INPP4A: variants seen among roughly 807,000 people sequenced by gnomAD.
The protein encoded by INPP4A is inositol polyphosphate-4-phosphatase, type I, 107kD.
In INPP4A, 33 loss-of-function variants were observed where a neutral mutation model predicts 119.8. The ratio of observed to expected loss-of-function variants is 0.28; its 90% CI spans 0.21 to 0.37. The LOEUF (loss-of-function observed/expected upper bound fraction) is 0.37. Ranked by LOEUF, INPP4A falls within the 10% of genes least tolerant of loss-of-function variation. The pLI, the probability that INPP4A is intolerant of heterozygous loss-of-function variation, is 1.00. For missense variants in INPP4A, 956 were observed against 1,289.9 expected (o/e 0.74, Z 3.97); for synonymous variants, 496 against 500.7 (o/e 0.99, Z 0.12).
chr2:98,551,919 CA>C (rs1693598375), intron 13 of INPP4A, among the ~76,000 whole-genome samples: 1 of 152,176 alleles, frequency 6.6e-6, no homozygotes, highest in Admixed American at 6.5e-5. Flanking sequence ...TGCAATTTAT[CA>C]TCACCGTTTA....
chr2:98,535,991 A>G, intron 6 of INPP4A, 138 bp from the exon 7 acceptor site: 2 of 716,842 alleles, frequency 2.8e-6, no homozygotes, highest in Non-Finnish European at 4.9e-6. Flanking sequence ...GCGAATTGTT[A>G]AGCTTTCCCA....
intron 1 of INPP4A, among the ~76,000 whole-genome samples, chr2:98,460,441 G>T (rs1268770635): frequency 6.6e-6 from 1 of 152,188 alleles, no homozygotes; most frequent in East Asian, 1.9e-4. Flanking sequence ...GCCCCTTCAG[G>T]CCTTTTGTAA....
chr2:98,593,869 G>A lies in INPP4A; in HGVS notation c.*6261G>A, dbSNP rs1272235537. The A allele has an allele frequency of 1.3e-5, 2 of 151,626 alleles. No individual in the cohort carries two copies. Among genetic ancestry groups the A allele is most frequent in the Non-Finnish European group, 3.0e-5 (2 of 67,700 alleles). The allele number at this position is 151,626 out of a possible 1,614,324, so 9.4% of individuals were successfully genotyped here. A position where few individuals can be genotyped will look rare whatever the true frequency, so the allele number is the denominator to read the frequency against. On this transcript the variant is annotated 3_prime_UTR_variant, in exon 25 of 25. Transcript: ENST00000409851. ...CACCCCTCCTGCAAGGCTAGTCTCA[G>A]GTCTGCCTTCCTCTATGGTGATTTC...
rs61748141 is a variant in INPP4A, at chr2:98,554,264, C to T, written c.1348-7C>T. 62,650 of 1,591,784 alleles carry T rather than the reference C, an allele frequency of 0.039. 1,460 individuals are homozygous for T. The highest frequency in any genetic ancestry group is 0.047 in the Non-Finnish European group (54,891 of 1,169,312). On this transcript the variant is annotated splice_polypyrimidine_tract_variant and splice_region_variant and intron_variant, in intron 14 of 24. Coordinates refer to ENST00000409851, the MANE Select transcript of INPP4A (RefSeq NM_001134225.2). The surrounding 1 kb of genome is among the most constrained non-coding windows in gnomAD (Gnocchi z 4.7). ...GCTCAGCAGCCTTGGTTTGTGTGCA[C>T]CTGCAGACACGGCAGCTGGTCACGG...
chr2:98,487,343 T>A (rs1167649474), intron 1 of INPP4A, among the ~76,000 whole-genome samples: 1 of 152,246 alleles, frequency 6.6e-6, no homozygotes, highest in Non-Finnish European at 1.5e-5. Context: ...CAGAATTTCC[T>A]TGTTTTTGAT....
Position 98,574,879 on chromosome 2 carries a change from G to A in INPP4A, c.2631+1952G>A, listed in dbSNP as rs146564070. Reference sequence around the variant, plus strand: ...CATCCCCTGTCACCAGAACAGAAAAGCAGTCCATCAAGTCCTGTATTTCTT... The same window carrying A: ...CATCCCCTGTCACCAGAACAGAAAAACAGTCCATCAAGTCCTGTATTTCTT... On this transcript the variant is annotated intron_variant, in intron 23 of 24. Coordinates refer to ENST00000409851, the MANE Select transcript of INPP4A (RefSeq NM_001134225.2). 6.4e-3 allele frequency among the ~76,000 whole-genome samples: 972 copies of A among 152,290 alleles called. 17 individuals are homozygous for A. Among genetic ancestry groups the A allele is most frequent in the African/African-American group, 0.022 (912 of 41,536 alleles).
rs140919431 is a variant in INPP4A, at chr2:98,590,666, C to T, written c.*3058C>T. 2.4e-3 allele frequency: 503 copies of T among 213,676 alleles called. 6 individuals are homozygous for T. The highest frequency in any genetic ancestry group is 0.011 in the African/African-American group (470 of 44,292). The allele number at this position is 213,676 out of a possible 1,614,324, so 13.2% of individuals were successfully genotyped here. On this transcript the variant is annotated 3_prime_UTR_variant, in exon 25 of 25. Coordinates refer to ENST00000409851, the MANE Select transcript of INPP4A (RefSeq NM_001134225.2). Reference sequence around the variant, plus strand: ...TTGTATTAATATTGACCCTGTTCATCGTCACCAGGACTGCATCTTGCACCA... The same window carrying T: ...TTGTATTAATATTGACCCTGTTCATTGTCACCAGGACTGCATCTTGCACCA...
chr2:98,528,277 C>T (rs564911005), intron 4 of INPP4A, among the ~76,000 whole-genome samples: 9 of 152,236 alleles, frequency 5.9e-5, no homozygotes, highest in African/African-American at 2.2e-4. Flanking sequence ...TTAAGAGAGG[C>T]TCAACTGTAG....
chr2:98,540,932 A>ATT (rs1277372312), intron 10 of INPP4A, among the ~76,000 whole-genome samples: 4 of 152,374 alleles, frequency 2.6e-5, no homozygotes, highest in African/African-American at 9.6e-5. Context: ...TAAACACAAT[A>ATT]TAACAGAAGC....
chr2:98,529,156 A>G (rs1454103302), intron 4 of INPP4A, among the ~76,000 whole-genome samples: 1 of 152,202 alleles, frequency 6.6e-6, no homozygotes, highest in Non-Finnish European at 1.5e-5. Flanking sequence ...TGTTTATACA[A>G]TTGAATGTTA....
rs141710518 is a variant in INPP4A, at chr2:98,554,247, G to A, written c.1348-24G>A. ...CCCAGCCCCTGGCCTGGGCTCAGCA[G>A]CCTTGGTTTGTGTGCACCTGCAGAC... On this transcript the variant is annotated intron_variant, in intron 14 of 24. Coordinates refer to ENST00000409851, the MANE Select transcript of INPP4A (RefSeq NM_001134225.2). This position sits in a 1 kb window ranked among gnomAD's most constrained non-coding sequence, Gnocchi z 4.7. The A allele has an allele frequency of 1.1e-3, 1,755 of 1,572,032 alleles. 22 individuals are homozygous for A. The African/African-American group carries it at 0.022, about 20-fold the overall frequency.
intron 1 of INPP4A, among the ~76,000 whole-genome samples, chr2:98,472,249 A>G (rs1676187837): frequency 6.6e-6 from 1 of 152,156 alleles, no homozygotes; most frequent in Admixed American, 6.5e-5. Flanking sequence ...GGGTTGGGGG[A>G]AGGGCACAAG....
chr2:98,481,502 T>G (rs1678458824), intron 1 of INPP4A, among the ~76,000 whole-genome samples: 1 of 152,226 alleles, frequency 6.6e-6, no homozygotes, highest in Non-Finnish European at 1.5e-5. Context: ...TTTAGGGAGC[T>G]GCATTTGGCT....
At chr2:98,458,285 A>G (rs557772323) in intron 1 of INPP4A, among the ~76,000 whole-genome samples, 4 of 152,218 alleles carry the variant, frequency 2.6e-5, no homozygotes, top group East Asian at 3.9e-4. Context: ...TCAAAGTTGC[A>G]GTGAGCTATG....
rs1231375445 is a variant in INPP4A at position 98,566,112 on chromosome 2, G to A, written c.2363G>A (p.Arg788Gln). The A allele has an allele frequency of 1.3e-6, 2 of 1,599,098 alleles. No individual in the cohort carries two copies. The highest frequency in any genetic ancestry group is 1.7e-6 in the Non-Finnish European group (2 of 1,173,538). Residue 788 changes from arginine (R) to glutamine (Q), a missense_variant, in exon 21 of 25, where the codon CGA becomes CAA. Arg to Gln is a conservative substitution (Grantham distance 43). This residue lies in a region of INPP4A where 304 missense variants were observed against 492.1 expected (regional missense o/e 0.62). Coordinates refer to ENST00000409851, the MANE Select transcript of INPP4A (RefSeq NM_001134225.2). This position sits in a 1 kb window ranked among gnomAD's most constrained non-coding sequence, Gnocchi z 4.2. ...PREIQSGMLL[R>Q]VQPVLFNVGI... ...GAGATCCAGAGTGGCATGCTGCTGC[G>A]AGTGCAGCCCGTCCTCTTCAACGTG...
At position 98,553,080 on chromosome 2, in the gene INPP4A, A is replaced by T; in HGVS notation, c.1347+111A>T. On this transcript the variant is annotated intron_variant, in intron 14 of 24. Coordinates refer to ENST00000409851, the MANE Select transcript of INPP4A (RefSeq NM_001134225.2). The stretch of plus-strand genomic sequence containing the variant: ...GGTCCACAAAGAGCGTGACATTGGG[A>T]TGACTTTGAAGGTCTACCTTAGGTC... The T allele has an allele frequency of 4.7e-6, 4 of 857,098 alleles. No homozygotes were observed. The South Asian group carries it at 7.1e-5, about 15-fold the overall frequency. The allele number at this position is 857,098 out of a possible 1,614,324, so 53.1% of individuals were successfully genotyped here.
chr2:98,559,308 T>C (rs752020340), intron 16 of INPP4A, among the ~76,000 whole-genome samples, 155 bp from the exon 17 acceptor site: 3 of 152,220 alleles, frequency 2.0e-5, no homozygotes, highest in African/African-American at 4.8e-5. Flanking sequence ...GTGAGCCTTC[T>C]TGGGGAAGAG....
rs567289931 is a variant in INPP4A at position 98,506,848 on chromosome 2, G to C, written c.-165-12116G>C. On this transcript the variant is annotated intron_variant, in intron 1 of 24. Coordinates refer to ENST00000409851, the MANE Select transcript of INPP4A (RefSeq NM_001134225.2). ...TGCGGGCACTCCCCTGTGGCAGGGA[G>C]GGGGAGTCAAGGAAAGGAACTCAGC... Among the ~76,000 whole-genome samples the C allele has an allele frequency of 3.9e-5, 6 of 152,350 alleles. No individual in the cohort carries two copies. The South Asian group carries it at 1.2e-3, about 32-fold the overall frequency.
intron 4 of INPP4A, among the ~76,000 whole-genome samples, chr2:98,530,199 G>GA (rs796205802): frequency 0.022 from 2,867 of 130,740 alleles, 36 homozygotes; most frequent in Non-Finnish European, 0.033. Flanking sequence ...TAGAAAAAGT[G>GA]AAAAAAAAAA....
Sources: allele counts gnomAD v4.1 joint callset (sites outside exome capture counted in the v4.1 genomes callset), GRCh38; gene constraint gnomAD v4.1.1; regional missense constraint gnomAD v4.1.1; non-coding constraint Gnocchi (gnomAD v3.1); transcripts MANE v1.5; gene names NCBI Gene and HGNC (gene_info 2026-07-23, HGNC 2026-07-21).